CCDC30: variants seen among roughly 807,000 people sequenced by gnomAD.
CCDC30 encodes coiled-coil domain containing 30, also known as coiled-coil domain-containing protein 30.
In CCDC30, 70 loss-of-function variants were observed where a neutral mutation model predicts 100.2. That is an observed-to-expected ratio of 0.70 (90% CI 0.58 to 0.85). The LOEUF (loss-of-function observed/expected upper bound fraction) is 0.85. CCDC30 is among the 40% of genes least tolerant of loss of function. The pLI is 0.00. For missense variants in CCDC30, 652 were observed against 771.2 expected, an observed-to-expected ratio of 0.85 and a Z score of 1.83; for synonymous variants, 233 against 269.5, an observed-to-expected ratio of 0.86 and a Z score of 1.33.
chr1:42,491,779 A>G (rs1644147465), intron 4 of CCDC30: 1 of 301,754 alleles, frequency 3.3e-6, no homozygotes, highest in Admixed American at 4.0e-5. Context: ...AAAGGTGGCA[A>G]AAAGGGAGCC....
intron 11 of CCDC30, among the ~76,000 whole-genome samples, chr1:42,620,056 A>G (rs192468031): frequency 6.2e-4 from 95 of 152,336 alleles, no homozygotes; most frequent in South Asian, 2.7e-3. Context: ...CATCAGGAGA[A>G]ATCAGGAATA....
intron 6 of CCDC30, among the ~76,000 whole-genome samples, chr1:42,512,909 G>A (rs1047324892): frequency 6.6e-6 from 1 of 152,228 alleles, no homozygotes; most frequent in Non-Finnish European, 1.5e-5. Context: ...AAGGCTGGCA[G>A]CCACGCTAAC....
intron 6 of CCDC30, among the ~76,000 whole-genome samples, chr1:42,545,186 AAAG>A (rs1645103038): frequency 7.9e-6 from 1 of 126,044 alleles, no homozygotes; most frequent in African/African-American, 2.6e-5. Flanking sequence ...AAAAAAAAAA[AAAG>A]GGAATTTACA....
intron 1 of CCDC30, among the ~76,000 whole-genome samples, chr1:42,478,949 C>T (rs1643914936): frequency 6.6e-6 from 1 of 152,070 alleles, no homozygotes; most frequent in African/African-American, 2.4e-5. Flanking sequence ...TTTGTAGAAA[C>T]TGACAAACTG....
chr1:42,473,704 C>T (rs902447790), intron 1 of CCDC30: 2 of 166,938 alleles, frequency 1.2e-5, no homozygotes, highest in Non-Finnish European at 2.6e-5. Context: ...AGATGAGACA[C>T]CTCCTTTTTA....
At chr1:42,601,548 A>G (rs1570208524) in intron 10 of CCDC30, among the ~76,000 whole-genome samples, 1 of 152,212 alleles carries the variant, frequency 6.6e-6, no homozygotes. Flanking sequence ...GGACACCCCT[A>G]ACCACAATCC....
chr1:42,492,284 G>T, intron 4 of CCDC30: 1 of 197,398 alleles, frequency 5.1e-6, no homozygotes, highest in South Asian at 8.7e-5. Context: ...TCAATAAATT[G>T]ATTCCAGGCA....
At chr1:42,513,287 G>A (rs1644507473) in intron 6 of CCDC30, among the ~76,000 whole-genome samples, 1 of 152,204 alleles carries the variant, frequency 6.6e-6, no homozygotes, top group Non-Finnish European at 1.5e-5. Flanking sequence ...GCAGACTGCA[G>A]CAGATTTTAT....
At chr1:42,523,870 G>A (rs1644685108) in intron 6 of CCDC30, among the ~76,000 whole-genome samples, 1 of 152,066 alleles carries the variant, frequency 6.6e-6, no homozygotes, top group Non-Finnish European at 1.5e-5. Flanking sequence ...ATTTGCCTTT[G>A]AATCCCTATA....
chr1:42,456,479 A>G, the CCDC30 span: 4 of 1,367,468 alleles, frequency 2.9e-6, no homozygotes, highest in Admixed American at 3.1e-5. Context: ...CCCACTCAGT[A>G]CGGCGCGGCG....
chr1:42,534,223 G>A, intron 6 of CCDC30, among the ~76,000 whole-genome samples: 1 of 139,402 alleles, frequency 7.2e-6, no homozygotes, highest in South Asian at 2.1e-4. Flanking sequence ...AGAAAATGAG[G>A]GGGGGGGTTC....
intron 7 of CCDC30, among the ~76,000 whole-genome samples, 188 bp downstream of exon 11, chr1:42,566,663 T>C (rs1645612843): frequency 6.6e-6 from 1 of 152,122 alleles, no homozygotes. Context: ...AACCTGTAAA[T>C]AGAAAAAGGC....
chr1:42,500,402 C>A, intron 6 of CCDC30: 1 of 1,034,852 alleles, frequency 9.7e-7, no homozygotes, highest in Non-Finnish European at 1.5e-6. Context: ...TGCGCAGTGG[C>A]CACCACCGAG....
chr1:42,634,249 CAAAA>C (rs754829759), intron 11 of CCDC30, among the ~76,000 whole-genome samples: 4,447 of 114,918 alleles, frequency 0.039, 103 homozygotes, highest in African/African-American at 0.091. Flanking sequence ...AAGACTGTCT[CAAAA>C]AAAAAAAAAA....
Position 42,524,246 on chromosome 1 carries a change from A to G in CCDC30, c.456+25330A>G, listed in dbSNP as rs557046749. Among the ~76,000 whole-genome samples the G allele has an allele frequency of 2.0e-5, 3 of 150,946 alleles. No homozygotes were observed. The East Asian group carries it at 5.9e-4, about 29-fold the overall frequency. On this transcript the variant is annotated intron_variant, in intron 6 of 16. Transcript: ENST00000668663. ...TCCCAGGGATTGCTGTTTTTGCTTT[A>G]TTTTGTTTTGTTTTTTATTGTTGTG... is the stretch of plus-strand genomic sequence containing the variant.
At chr1:42,534,879 A>G (rs118000063) in intron 6 of CCDC30, 1 of 152,220 alleles carries the variant, frequency 6.6e-6, no homozygotes, top group East Asian at 1.9e-4. Context: ...GTAACTGGTG[A>G]TTTATTTAGA....
At chr1:42,478,801 C>T (rs551525480) in intron 1 of CCDC30, among the ~76,000 whole-genome samples, 1 of 152,024 alleles carries the variant, frequency 6.6e-6, no homozygotes, top group South Asian at 2.1e-4. Flanking sequence ...CTGCGCCCCC[C>T]CAAGATACCC....
At chr1:42,565,239 A>C (rs1201404011) in intron 6 of CCDC30, among the ~76,000 whole-genome samples, 1 of 152,198 alleles carries the variant, frequency 6.6e-6, no homozygotes, top group Non-Finnish European at 1.5e-5. Flanking sequence ...CAATCAACAG[A>C]GTAAAAAGAC....
chr1:42,507,756 T>G (rs941466832), intron 6 of CCDC30, among the ~76,000 whole-genome samples: 1 of 152,216 alleles, frequency 6.6e-6, no homozygotes, highest in African/African-American at 2.4e-5. Flanking sequence ...GGTTGTTAAT[T>G]TTGTATGTCC....
Sources: gnomAD v4.1 joint callset for allele counts (sites outside exome capture counted in the v4.1 genomes callset) on GRCh38, gnomAD v4.1.1 for gene constraint, MANE v1.5 for transcripts, NCBI Gene and HGNC (gene_info 2026-07-23, HGNC 2026-07-21) for gene names.